LPIN1: variants seen among roughly 807,000 people sequenced by gnomAD.
LPIN1 encodes lipin 1, also known as phosphatidate phosphatase LPIN1.
Under a neutral mutation model 107.5 loss-of-function variants are expected in LPIN1, and 71 were observed. The observed-to-expected ratio is 0.66, with a 90% CI of 0.55 to 0.80. LPIN1 has a LOEUF of 0.80. Ranked by LOEUF, LPIN1 falls within the 30% of genes least tolerant of loss-of-function variation. LPIN1 has a pLI of 0.00. For missense variants in LPIN1, 1,043 were observed against 1,160.6 expected (o/e 0.90, Z 1.47); for synonymous variants, 445 against 452.6 (o/e 0.98, Z 0.21).
chr2:11,684,214 G>A (rs538165081), intron 1 of LPIN1, among the ~76,000 whole-genome samples: 5 of 152,312 alleles, frequency 3.3e-5, no homozygotes, highest in African/African-American at 1.2e-4. Flanking sequence ...GTAGTAAGCA[G>A]GTGTGTCTGC....
intron 1 of LPIN1, among the ~76,000 whole-genome samples, chr2:11,752,121 T>C (rs1667890527): frequency 6.6e-6 from 1 of 152,214 alleles, no homozygotes; most frequent in Non-Finnish European, 1.5e-5. Flanking sequence ...GATCTTACTG[T>C]ATTTGTACAA....
chr2:11,719,013 A>G (rs904377082), intron 2 of LPIN1, among the ~76,000 whole-genome samples: 3 of 152,110 alleles, frequency 2.0e-5, no homozygotes, highest in African/African-American at 7.2e-5. Context: ...TTCACTTTCT[A>G]TTGTTATTAT....
intron 12 of LPIN1, 129 bp from the exon 13 acceptor site, chr2:11,791,785 A>G: frequency 6.6e-7 from 1 of 1,504,962 alleles, no homozygotes; most frequent in Non-Finnish European, 8.9e-7. Flanking sequence ...ACGCACAAAT[A>G]GTATGTTGTG....
At position 11,774,141 on chromosome 2, in the gene LPIN1, C is replaced by T. The variant is rs946435539; in HGVS notation, c.722+396C>T. Among the ~76,000 whole-genome samples the T allele has an allele frequency of 2.0e-5, 3 of 152,200 alleles. No individual in the cohort carries two copies. Among genetic ancestry groups the T allele is most frequent in the East Asian group, 1.9e-4 (1 of 5,198 alleles). On this transcript the variant is annotated intron_variant, in intron 5 of 20. Coordinates refer to ENST00000674199, the MANE Select transcript of LPIN1 (RefSeq NM_001349206.2). The surrounding 1 kb of genome is among the most constrained non-coding windows in gnomAD (Gnocchi z 4.4). Reference sequence around the variant, plus strand: ...TTCAGGGCTATTAGAATGGTGCCTCCGCCACACTTAATCCATTCTGCCGAA... The same window carrying T: ...TTCAGGGCTATTAGAATGGTGCCTCTGCCACACTTAATCCATTCTGCCGAA...
intron 1 of LPIN1, among the ~76,000 whole-genome samples, chr2:11,709,135 A>G (rs1663277548): frequency 6.6e-6 from 1 of 152,180 alleles, no homozygotes; most frequent in South Asian, 2.1e-4. Flanking sequence ...TCCCAGGAGG[A>G]GTCCTCTTAC....
At chr2:11,741,070 G>A (rs531031105) in intron 1 of LPIN1, 9 of 270,166 alleles carry the variant, frequency 3.3e-5, no homozygotes, top group East Asian at 6.6e-5. Context: ...CTCAAGCCAC[G>A]GAGAAGACAG....
chr2:11,819,257 C>T, intron 18 of LPIN1: 1 of 536,892 alleles, frequency 1.9e-6, no homozygotes, highest in Admixed American at 3.3e-5. Context: ...CAGGATAACC[C>T]TTGGTGAAAT....
At chr2:11,699,251 T>C (rs999130293) in intron 1 of LPIN1, among the ~76,000 whole-genome samples, 1 of 152,216 alleles carries the variant, frequency 6.6e-6, no homozygotes, top group African/African-American at 2.4e-5. Context: ...CCCATTTACA[T>C]GCAAAATGTT....
At chr2:11,737,618 A>T (rs1351929745) in intron 1 of LPIN1, among the ~76,000 whole-genome samples, 1 of 152,272 alleles carries the variant, frequency 6.6e-6, no homozygotes, top group Non-Finnish European at 1.5e-5. Context: ...TTATGTGGCC[A>T]ACAAATGTAT....
chr2:11,784,779 T>C, intron 9 of LPIN1, 107 bp from the exon 10 acceptor site: 2 of 981,450 alleles, frequency 2.0e-6, no homozygotes, highest in South Asian at 1.3e-5. Context: ...GATGCAGCCG[T>C]CTGCGGCTCT....
chr2:11,820,625 G>T, intron 20 of LPIN1, 111 bp downstream of exon 20: 1 of 728,458 alleles, frequency 1.4e-6, no homozygotes, highest in Non-Finnish European at 2.4e-6. Flanking sequence ...ATGTTAATCT[G>T]TAATTCTTAT....
At chr2:11,741,445 AG>A in intron 2 of LPIN1, 6 of 1,521,420 alleles carry the variant, frequency 3.9e-6, no homozygotes, top group Non-Finnish European at 5.4e-6. Flanking sequence ...ACTGCTGTTC[AG>A]TAGTTCTATT....
intron 10 of LPIN1, 47 bp from the exon 11 acceptor site, chr2:11,787,027 G>A (rs904824215): frequency 3.6e-6 from 5 of 1,377,728 alleles, no homozygotes; most frequent in South Asian, 1.2e-5. Context: ...ATTTTGAACT[G>A]AATTTTCTTT....
intron 20 of LPIN1, among the ~76,000 whole-genome samples, chr2:11,822,559 G>A (rs566948151): frequency 6.6e-6 from 1 of 152,086 alleles, no homozygotes; most frequent in Admixed American, 6.5e-5. Flanking sequence ...AAGAGAGCTC[G>A]TGCAGGGAAA....
At chr2:11,751,806 T>C (rs1422740795) in intron 1 of LPIN1, among the ~76,000 whole-genome samples, 6 of 152,152 alleles carry the variant, frequency 3.9e-5, no homozygotes, top group Admixed American at 1.3e-4. Flanking sequence ...GAGCCGAGAT[T>C]GCGCCACTGC....
intron 18 of LPIN1, chr2:11,817,357 T>C (rs1231392687): frequency 6.6e-6 from 1 of 152,252 alleles, no homozygotes; most frequent in Non-Finnish European, 1.5e-5. Context: ...GTGCTGCGAA[T>C]GTCTTTTCCC....
At chr2:11,819,916 C>G (rs983800023) in intron 19 of LPIN1, among the ~76,000 whole-genome samples, 1 of 152,130 alleles carries the variant, frequency 6.6e-6, no homozygotes, top group Non-Finnish European at 1.5e-5. Flanking sequence ...AGAAGGGAAC[C>G]GCAAAATCAG....
In LPIN1 at chr2:11,795,425, G is replaced by A. The variant is rs1381475393; in HGVS notation, c.1824G>A (p.Gln608=). Residue 608 remains glutamine (Q), a synonymous_variant, in exon 14 of 21, where the codon CAG becomes CAA. Transcript: ENST00000674199. ...TTTTCTAGGAAAGTAAGCCAGAGCA[G>A]TGCTTGGCTGGCAAGGCCCATAGCA... is the stretch of plus-strand genomic sequence containing the variant. The part of the protein sequence containing the change: ...TTIKEESKPE[Q]CLAGKAHSTG... 1 of 1,614,036 alleles carries A rather than the reference G, an allele frequency of 6.2e-7. No homozygotes were observed. Among genetic ancestry groups the A allele is most frequent in the Non-Finnish European group, 8.5e-7 (1 of 1,179,976 alleles).
chr2:11,747,950 G>A (rs1206444734), intron 1 of LPIN1, among the ~76,000 whole-genome samples: 2 of 152,192 alleles, frequency 1.3e-5, no homozygotes, highest in Non-Finnish European at 2.9e-5. Flanking sequence ...GGGAGGTCTG[G>A]GCTCTGCCTG....
Sources: gnomAD v4.1 joint callset for allele counts (sites outside exome capture counted in the v4.1 genomes callset) on GRCh38, gnomAD v4.1.1 for gene constraint, Gnocchi (gnomAD v3.1) non-coding constraint, MANE v1.5 for transcripts, NCBI Gene and HGNC (gene_info 2026-07-23, HGNC 2026-07-21) for gene names.